The following WDR27 variants were observed in gnomAD, a reference collection of about 807,000 sequenced individuals.
The protein encoded by WDR27 is WD repeat-containing protein 27.
WDR27 carries 100 observed loss-of-function variants against 114.4 expected under a neutral mutation model. The observed-to-expected ratio is 0.87, with a 90% CI of 0.74 to 1.03. WDR27 has a LOEUF of 1.03. Ranked by LOEUF, WDR27 falls within the 50% of genes least tolerant of loss-of-function variation. The pLI is 0.00. For missense variants in WDR27, 1,129 were observed against 1,092.9 expected (o/e 1.03, Z -0.47); for synonymous variants, 449 against 423.1 (o/e 1.06, Z -0.75).
At chr6:169,547,636 T>C (rs1797627811) in intron 25 of WDR27, among the ~76,000 whole-genome samples, 1 of 152,164 alleles carries the variant, frequency 6.6e-6, no homozygotes, top group African/African-American at 2.4e-5. Flanking sequence ...CTCAGTAAAC[T>C]AAGAACAGAG....
At chr6:169,449,488 G>A in the WDR27 span, among the ~76,000 whole-genome samples, 1 of 152,064 alleles carries the variant, frequency 6.6e-6, no homozygotes, top group Non-Finnish European at 1.5e-5. Context: ...AGGGGAACAC[G>A]TCGACCCTAG....
At chr6:169,491,237 A>G (rs1343117912) in intron 25 of WDR27, among the ~76,000 whole-genome samples, 2 of 152,160 alleles carry the variant, frequency 1.3e-5, no homozygotes, top group Non-Finnish European at 2.9e-5. Flanking sequence ...CCTTAAAGAT[A>G]ATGCATCAAA....
chr6:169,698,673 C>T (rs1016772250), intron 1 of WDR27, among the ~76,000 whole-genome samples: 2 of 152,224 alleles, frequency 1.3e-5, no homozygotes, highest in Non-Finnish European at 2.9e-5. Flanking sequence ...CGAGGGCAGC[C>T]GTGCACCAAT....
At chr6:169,430,735 C>T in the WDR27 span, among the ~76,000 whole-genome samples, 1 of 152,194 alleles carries the variant, frequency 6.6e-6, no homozygotes, top group Admixed American at 6.5e-5. Flanking sequence ...TTATAAAGAA[C>T]CTTGTAAGCT....
intron 25 of WDR27, among the ~76,000 whole-genome samples, chr6:169,512,379 A>G (rs1013038685): frequency 7.2e-5 from 11 of 152,204 alleles, no homozygotes; most frequent in Admixed American, 7.2e-4. Context: ...CCTAAATAAA[A>G]TTTAACTTAC....
chr6:169,560,640 G>C (rs916550731), intron 25 of WDR27, among the ~76,000 whole-genome samples: 2 of 152,032 alleles, frequency 1.3e-5, no homozygotes, highest in Non-Finnish European at 2.9e-5. Context: ...CACTAACTTT[G>C]GTCACTTTAC....
intron 23 of WDR27, among the ~76,000 whole-genome samples, chr6:169,591,739 C>T (rs1805784796): frequency 6.6e-6 from 1 of 152,306 alleles, no homozygotes; most frequent in Admixed American, 6.5e-5. Flanking sequence ...AGGTGTGGTG[C>T]TGCCCGCTGG....
intron 25 of WDR27, among the ~76,000 whole-genome samples, chr6:169,460,407 A>G (rs1322471758): frequency 6.6e-6 from 1 of 152,210 alleles, no homozygotes; most frequent in Non-Finnish European, 1.5e-5. Context: ...TGTAATTCCC[A>G]TGGTAGCCAC....
intron 5 of WDR27, 98 bp from the exon 6 acceptor site, chr6:169,667,285 A>G: frequency 7.8e-7 from 1 of 1,288,344 alleles, no homozygotes; most frequent in South Asian, 2.9e-5. Context: ...ATTAGTCAAC[A>G]CAAATGGTTA....
At chr6:169,499,426 G>A (rs1348865167) in intron 25 of WDR27, among the ~76,000 whole-genome samples, 1 of 152,230 alleles carries the variant, frequency 6.6e-6, no homozygotes, top group African/African-American at 2.4e-5. Context: ...CACAGTTCCA[G>A]GTGTTCATCT....
At chr6:169,670,537 T>C in intron 4 of WDR27, 32 bp downstream of exon 4, 2 of 1,613,696 alleles carry the variant, frequency 1.2e-6, no homozygotes, top group Non-Finnish European at 1.7e-6. Flanking sequence ...AGCTAAACCC[T>C]TCCGTGAAAT....
chr6:169,612,568 G>A (rs1810820779), intron 22 of WDR27, among the ~76,000 whole-genome samples: 1 of 145,542 alleles, frequency 6.9e-6, no homozygotes, highest in Non-Finnish European at 1.5e-5. Context: ...GGAGGTTGCA[G>A]TGAGCTGAGA....
At chr6:169,581,552 A>T (rs1465731301) in intron 24 of WDR27, among the ~76,000 whole-genome samples, 1 of 152,188 alleles carries the variant, frequency 6.6e-6, no homozygotes, top group Admixed American at 6.5e-5. Context: ...AAGCATCATC[A>T]GGACGTATGT....
At chr6:169,449,846 T>C in the WDR27 span, among the ~76,000 whole-genome samples, 2 of 152,162 alleles carry the variant, frequency 1.3e-5, no homozygotes, top group African/African-American at 4.8e-5. Context: ...CTAGGCCTTC[T>C]GACGAGAAAT....
At chr6:169,450,915 A>G in the WDR27 span, among the ~76,000 whole-genome samples, 1 of 152,348 alleles carries the variant, frequency 6.6e-6, no homozygotes, top group East Asian at 1.9e-4. Flanking sequence ...TGAAGCTCCT[A>G]TGAACAGTCT....
chr6:169,461,108 A>G (rs1248210850), intron 25 of WDR27, among the ~76,000 whole-genome samples: 2 of 152,312 alleles, frequency 1.3e-5, no homozygotes, highest in East Asian at 1.9e-4. Flanking sequence ...CTAATAACAG[A>G]CCATCAAAAT....
chr6:169,692,825 A>T (rs1784855839), intron 1 of WDR27, among the ~76,000 whole-genome samples: 1 of 152,106 alleles, frequency 6.6e-6, no homozygotes, highest in Non-Finnish European at 1.5e-5. Context: ...CCCTGCCCCC[A>T]TCTGATGGTT....
At chr6:169,683,072 A>G (rs983403983) in intron 2 of WDR27, among the ~76,000 whole-genome samples, 5 of 152,312 alleles carry the variant, frequency 3.3e-5, no homozygotes, top group African/African-American at 9.6e-5. Context: ...GCTATGAGAC[A>G]ACAAAAGAGC....
At chr6:169,579,106 C>T (rs879819579) in intron 24 of WDR27, among the ~76,000 whole-genome samples, 2 of 152,184 alleles carry the variant, frequency 1.3e-5, no homozygotes, top group Non-Finnish European at 2.9e-5. Flanking sequence ...GACATTTCTC[C>T]ACCAGGTTAA....
Sources: allele counts gnomAD v4.1 joint callset (sites outside exome capture counted in the v4.1 genomes callset), GRCh38; gene constraint gnomAD v4.1.1; transcripts MANE v1.5; gene names NCBI Gene and HGNC (gene_info 2026-07-23, HGNC 2026-07-21).